NMD3: variants seen among roughly 807,000 people sequenced by gnomAD.
The protein encoded by NMD3 is NMD3 ribosome export adaptor.
NMD3 carries 47 observed loss-of-function variants against 73.1 expected under a neutral mutation model. The ratio of observed to expected loss-of-function variants is 0.64; its 90% CI spans 0.51 to 0.82. NMD3 has a LOEUF of 0.82. Ranked by LOEUF, NMD3 falls within the 40% of genes least tolerant of loss-of-function variation. The pLI, the probability that NMD3 is intolerant of heterozygous loss-of-function variation, is 0.00. For missense variants in NMD3, 554 were observed against 612.5 expected, an observed-to-expected ratio of 0.90 and a Z score of 1.01; for synonymous variants, 210 against 194.5, an observed-to-expected ratio of 1.08 and a Z score of -0.66.
intron 4 of NMD3, among the ~76,000 whole-genome samples, chr3:161,228,425 T>C (rs1298104676): frequency 6.6e-6 from 1 of 152,182 alleles, no homozygotes; most frequent in East Asian, 1.9e-4. Flanking sequence ...TACTTTATCT[T>C]CTAATCTTTC....
At position 161,235,131 on chromosome 3, in the gene NMD3, A is replaced by T. The variant is rs1362168746; in HGVS notation, c.496A>T (p.Lys166Ter). 6.7e-7 allele frequency: 1 copy of T among 1,500,394 alleles called. No homozygotes were observed. Among genetic ancestry groups the T allele is most frequent in the Non-Finnish European group, 9.1e-7 (1 of 1,094,096 alleles). 92.9% of individuals were successfully genotyped at this position (1,500,394 alleles called of 1,614,324 possible). The change falls in exon 7 of 16, where the codon AAA becomes TAA. Residue 166 changes from lysine (K) to a stop codon, truncating the protein, a stop_gained. Coordinates refer to ENST00000351193, the MANE Select transcript of NMD3 (RefSeq NM_015938.5). LOFTEE classifies it high-confidence loss of function. Reference sequence around the variant, plus strand: ...ATAATTTATATTTTAGACTTTGCATAAAAAAACTTTCTACTATCTGGAACA... The same window carrying T: ...ATAATTTATATTTTAGACTTTGCATTAAAAAACTTTCTACTATCTGGAACA... ...VIQVRQKTLH[K>*]KTFYYLEQLI...
At chr3:161,246,932 T>TG (rs1025811103) in intron 12 of NMD3, among the ~76,000 whole-genome samples, 24 of 107,988 alleles carry the variant, frequency 2.2e-4, no homozygotes, top group Admixed American at 3.9e-4. Context: ...CAGAATGAGG[T>TG]GTTTTTTTTT....
At position 161,250,714 on chromosome 3, in the gene NMD3, T is replaced by C. The variant is rs1560076935; in HGVS notation, c.1382-66T>C. The C allele has an allele frequency of 7.3e-6, 7 of 956,576 alleles. No individual in the cohort carries two copies. The Admixed American group carries it at 1.1e-4, about 15-fold the overall frequency. 59.3% of individuals were successfully genotyped at this position (956,576 alleles called of 1,614,324 possible). A position where few individuals can be genotyped will look rare whatever the true frequency, so the allele number is the denominator to read the frequency against. ...AGGTAGATATTTGTATATTTTCAAA[T>C]ATATTTAATACTTTGTATACATATA... On this transcript the variant is annotated intron_variant, in intron 15 of 15. Transcript: ENST00000351193.
Position 161,225,034 on chromosome 3 carries a change from T to C in NMD3, c.149T>C (p.Val50Ala), listed in dbSNP as rs1264809936. The C allele has an allele frequency of 1.2e-6, 2 of 1,613,958 alleles. No individual in the cohort carries two copies. The highest frequency in any genetic ancestry group is 2.7e-5 in the African/African-American group (2 of 75,002). The stretch of plus-strand genomic sequence containing the variant: ...ATCAGCCAAGGTATTCCGAAACAAG[T>C]CTCGATTTCGTTCTGCAAACAATGT... ...VDISQGIPKQ[V>A]SISFCKQCQR... Residue 50 changes from valine to alanine, a missense_variant, in exon 3 of 16, where the codon GTC becomes GCC. Val to Ala is a moderately conservative substitution (Grantham distance 64). Coordinates refer to ENST00000351193, the MANE Select transcript of NMD3 (RefSeq NM_015938.5).
At chr3:161,242,340 T>C (rs1737016949) in intron 10 of NMD3, among the ~76,000 whole-genome samples, 168 bp from the exon 11 acceptor site, 1 of 152,214 alleles carries the variant, frequency 6.6e-6, no homozygotes, top group African/African-American at 2.4e-5. Context: ...TTGAGAAGTT[T>C]GGGATTGGTT....
chr3:161,250,988 C>A lies in NMD3; in HGVS notation c.*78C>A. 1 of 1,191,610 alleles carries A rather than the reference C, an allele frequency of 8.4e-7. No homozygotes were observed. 73.8% of individuals were successfully genotyped at this position (1,191,610 alleles called of 1,614,324 possible). A position where few individuals can be genotyped will look rare whatever the true frequency, so the allele number is the denominator to read the frequency against. ...ACCTTAAGTGTCTCTACTATCTTTG[C>A]CTCCAGATTTCAAGAGGAGAAATTT... On this transcript the variant is annotated 3_prime_UTR_variant, in exon 16 of 16. Transcript: ENST00000351193.
At position 161,238,830 on chromosome 3, in the gene NMD3, C is replaced by G; in HGVS notation, c.753+4C>G. On this transcript the variant is annotated splice_donor_region_variant and intron_variant, in intron 9 of 15. Coordinates refer to ENST00000351193, the MANE Select transcript of NMD3 (RefSeq NM_015938.5). ...GGAAATTGTTCCAATATGCAAGGTA[C>G]TTTTCTTTTTCATTTAATCCATATC... is the stretch of plus-strand genomic sequence containing the variant. The G allele has an allele frequency of 7.2e-7, 1 of 1,397,204 alleles. No homozygotes were observed. The highest frequency in any genetic ancestry group is 1.2e-5 in the South Asian group (1 of 82,298). The allele number at this position is 1,397,204 out of a possible 1,614,324, so 86.6% of individuals were successfully genotyped here.
chr3:161,250,684 T>A (rs1737448444), intron 15 of NMD3, 96 bp from the exon 16 acceptor site: 3 of 732,096 alleles, frequency 4.1e-6, no homozygotes, highest in Non-Finnish European at 6.4e-6. Flanking sequence ...ATAATAATAA[T>A]GATAAGGTAG....
At chr3:161,224,079 T>G (rs1197020350) in intron 2 of NMD3, among the ~76,000 whole-genome samples, 1 of 152,146 alleles carries the variant, frequency 6.6e-6, no homozygotes, top group African/African-American at 2.4e-5. Flanking sequence ...TATTTCAGTA[T>G]CTAAAATTAA....
At chr3:161,238,324 T>A in intron 8 of NMD3, 133 bp downstream of exon 8, 1 of 662,334 alleles carries the variant, frequency 1.5e-6, no homozygotes, top group Non-Finnish European at 2.6e-6. Flanking sequence ...TCAGGAAGCA[T>A]ATATTGGGTT....
intron 12 of NMD3, 134 bp from the exon 13 acceptor site, chr3:161,247,124 T>G: frequency 3.4e-6 from 2 of 593,124 alleles, no homozygotes; most frequent in Non-Finnish European, 6.1e-6. Flanking sequence ...CATTGTGTAA[T>G]AAATGACAGA....
intron 7 of NMD3, 134 bp downstream of exon 7, chr3:161,235,346 A>C (rs1230396549): frequency 1.9e-5 from 9 of 469,578 alleles, no homozygotes; most frequent in East Asian, 1.0e-4. Context: ...AAAAAAAAAA[A>C]CAACTTAATT....
At chr3:161,246,784 T>C (rs1224917505) in intron 12 of NMD3, among the ~76,000 whole-genome samples, 1 of 152,214 alleles carries the variant, frequency 6.6e-6, no homozygotes, top group Non-Finnish European at 1.5e-5. Flanking sequence ...AACTCACTTT[T>C]AAGATATGAC....
At chr3:161,247,681 T>C (rs1737279497) in intron 13 of NMD3, among the ~76,000 whole-genome samples, 1 of 150,872 alleles carries the variant, frequency 6.6e-6, no homozygotes, top group Non-Finnish European at 1.5e-5. Context: ...CCCAGCTACT[T>C]GGGAGGCTGA....
rs573213981 is a variant in NMD3, at chr3:161,246,242, A to G, written c.1018-94A>G. 6.0e-5 allele frequency: 29 copies of G among 482,696 alleles called. No homozygotes were observed. In the East Asian group the frequency reaches 9.2e-4, roughly 15 times the overall value. The allele number at this position is 482,696 out of a possible 1,614,324, so 29.9% of individuals were successfully genotyped here. Reference sequence around the variant, plus strand: ...AAAATTTTCTGTCTTTAAAAATTAGAAAACCAAAAATCAATATTGTATTTA... The same window carrying G: ...AAAATTTTCTGTCTTTAAAAATTAGGAAACCAAAAATCAATATTGTATTTA... On this transcript the variant is annotated intron_variant, in intron 11 of 15. Coordinates refer to ENST00000351193, the MANE Select transcript of NMD3 (RefSeq NM_015938.5).
intron 7 of NMD3, among the ~76,000 whole-genome samples, chr3:161,235,883 T>C (rs188332001): frequency 6.6e-6 from 1 of 152,252 alleles, no homozygotes; most frequent in East Asian, 1.9e-4. Context: ...CTAATGTTTA[T>C]CTTTTCTCTT....
chr3:161,247,313 G>C lies in NMD3; in HGVS notation c.1186G>C (p.Asp396His). 2 of 1,606,948 alleles carry C rather than the reference G, an allele frequency of 1.2e-6. No homozygotes were observed. The highest frequency in any genetic ancestry group is 1.7e-6 in the Non-Finnish European group (2 of 1,173,806). Reference protein sequence around the residue: ...NDEHVNKMNSDRVPDVVLIKK... With the variant: ...NDEHVNKMNSHRVPDVVLIKK... ...TGAGCATGTCAACAAAATGAACTCA[G>C]ATAGAGTTCCAGATGTGGTAAGGCT... The change falls in exon 13 of 16, where the codon GAT becomes CAT. Residue 396 changes from aspartate (D) to histidine (H), a missense_variant. Physicochemically the swap from Asp to His is moderately conservative, Grantham distance 81. Coordinates refer to ENST00000351193, the MANE Select transcript of NMD3 (RefSeq NM_015938.5).
intron 11 of NMD3, 95 bp downstream of exon 11, chr3:161,242,748 A>C: frequency 8.2e-7 from 1 of 1,214,182 alleles, no homozygotes; most frequent in Non-Finnish European, 1.1e-6. Flanking sequence ...GTGTTTCCAC[A>C]GTATGGAATC....
intron 3 of NMD3, among the ~76,000 whole-genome samples, chr3:161,227,031 T>C (rs1027824603): frequency 1.3e-5 from 2 of 152,206 alleles, no homozygotes; most frequent in East Asian, 3.8e-4. Context: ...TTATTTCAGA[T>C]TGACTTTCTC....
Sources: allele counts gnomAD v4.1 joint callset (sites outside exome capture counted in the v4.1 genomes callset), GRCh38; gene constraint gnomAD v4.1.1; transcripts MANE v1.5; gene names NCBI Gene and HGNC (gene_info 2026-07-23, HGNC 2026-07-21).